The following PTPRF variants were observed in gnomAD, a reference collection of about 807,000 sequenced individuals.
The protein encoded by PTPRF is protein tyrosine phosphatase receptor type F.
A neutral mutation model predicts 201.8 loss-of-function variants in PTPRF; 59 were observed. That is an observed-to-expected ratio of 0.29 (90% confidence interval 0.24 to 0.36). PTPRF has a LOEUF of 0.36. Among genes scored for constraint, PTPRF ranks in the 10% least tolerant of loss-of-function variants. PTPRF has a pLI of 1.00. For missense variants in PTPRF, 2,132 were observed against 2,690.5 expected (o/e 0.79, Z 4.59); for synonymous variants, 1,088 against 1,089.7 (o/e 1.00, Z 0.03).
At chr1:43,529,157 A>G (rs1643247102), upstream of PTPRF, among the ~76,000 whole-genome samples, 1 of 152,206 alleles carries the variant, frequency 6.6e-6, no homozygotes, top group Non-Finnish European at 1.5e-5. Flanking sequence ...GATGCATAAA[A>G]TTTGCAATAC....
At chr1:43,540,716 G>A (rs562560835) in intron 2 of PTPRF, among the ~76,000 whole-genome samples, 30 of 152,312 alleles carry the variant, frequency 2.0e-4, no homozygotes, top group South Asian at 6.2e-4. Context: ...TGGGAGCCCC[G>A]ATACCAGCCG....
chr1:43,575,797 A>G, intron 6 of PTPRF: 1 of 954,328 alleles, frequency 1.0e-6, no homozygotes, highest in South Asian at 1.4e-5. Flanking sequence ...TTCTCCATGT[A>G]TTTAAGGCCC....
chr1:43,594,913 G>C (rs1651860311), intron 11 of PTPRF, among the ~76,000 whole-genome samples: 1 of 152,208 alleles, frequency 6.6e-6, no homozygotes, highest in Non-Finnish European at 1.5e-5. Flanking sequence ...GAGGAAATCA[G>C]GGGAGGGGAG....
chr1:43,565,438 A>G (rs1249758629), intron 5 of PTPRF, among the ~76,000 whole-genome samples: 1 of 152,212 alleles, frequency 6.6e-6, no homozygotes, highest in Non-Finnish European at 1.5e-5. Flanking sequence ...CCTTGCACAC[A>G]TATCTGCGTG....
intron 3 of PTPRF, 62 bp downstream of exon 3, chr1:43,545,228 G>A: frequency 1.3e-6 from 2 of 1,492,412 alleles, no homozygotes; most frequent in East Asian, 2.5e-5. Context: ...TTCCCAGCAG[G>A]ACTCTGGGAT....
At position 43,605,280 on chromosome 1, in the gene PTPRF, G is replaced by C; in HGVS notation, c.3226G>C (p.Val1076Leu). The stretch of plus-strand genomic sequence containing the variant: ...GCAGCCCAACACAGAGTACTCGTTT[G>C]TGCTGATGAACCGTGGCAGCAGCGC... ...DLQPNTEYSF[V>L]LMNRGSSAGG... The change falls in exon 18 of 34, where the codon GTG becomes CTG. Residue 1076 changes from valine (V) to leucine (L), a missense_variant. Physicochemically the swap from Val to Leu is conservative, Grantham distance 32 (BLOSUM62 1). Coordinates refer to ENST00000359947, the MANE Select transcript of PTPRF (RefSeq NM_002840.5). 6.2e-7 allele frequency: 1 copy of C among 1,613,174 alleles called. No homozygotes were observed. The highest frequency in any genetic ancestry group is 2.2e-5 in the East Asian group (1 of 44,840).
At chr1:43,579,380 G>T in intron 7 of PTPRF, 1 of 372,014 alleles carries the variant, frequency 2.7e-6, no homozygotes, top group Non-Finnish European at 5.4e-6. Context: ...GGGCTTTGGG[G>T]TAGTAAGGCC....
At chr1:43,524,580 G>C (rs1643043156), upstream of PTPRF, among the ~76,000 whole-genome samples, 1 of 152,112 alleles carries the variant, frequency 6.6e-6, no homozygotes, top group African/African-American at 2.4e-5. Context: ...GATGGCTCCA[G>C]TTGAAGGTTG....
Position 43,621,089 on chromosome 1 carries a change from C to G in PTPRF, c.5520-8C>G, listed in dbSNP as rs1218020647. Reference sequence around the variant, plus strand: ...CAGGACTCCTGACCCAACTGTGTTTCTGAGCAGTGCTGGCGTGGGCCGCAC... The same window carrying G: ...CAGGACTCCTGACCCAACTGTGTTTGTGAGCAGTGCTGGCGTGGGCCGCAC... On this transcript the variant is annotated splice_polypyrimidine_tract_variant and splice_region_variant and intron_variant, in intron 32 of 33. Transcript: ENST00000359947. 6.2e-7 allele frequency: 1 copy of G among 1,613,574 alleles called. No individual in the cohort carries two copies. Among genetic ancestry groups the G allele is most frequent in the East Asian group, 2.2e-5 (1 of 44,872 alleles).
chr1:43,592,666 C>A, intron 11 of PTPRF, 65 bp downstream of exon 11: 1 of 1,458,178 alleles, frequency 6.9e-7, no homozygotes, highest in East Asian at 2.5e-5. Context: ...CACATGCACA[C>A]ACATCCTTCC....
rs747122861 is a variant in PTPRF, at chr1:43,603,330, C to T, written c.2341-86C>T. 132 of 1,263,570 alleles carry T rather than the reference C, an allele frequency of 1.0e-4. No homozygotes were observed. Among genetic ancestry groups the T allele is most frequent in the Non-Finnish European group, 1.5e-4 (129 of 866,366 alleles). 78.3% of individuals were successfully genotyped at this position (1,263,570 alleles called of 1,614,324 possible). ...TGGCCTTGTGTGCCCCGGGGCTCCCCTCAGGCTAGGGTCCTGAGGTCCCTG... is the reference window on the plus strand; with the variant it reads ...TGGCCTTGTGTGCCCCGGGGCTCCCTTCAGGCTAGGGTCCTGAGGTCCCTG... On this transcript the variant is annotated intron_variant, in intron 14 of 33. Transcript: ENST00000359947. The surrounding 1 kb of genome is among the most constrained non-coding windows in gnomAD (Gnocchi z 5.8).
intron 12 of PTPRF, chr1:43,598,302 T>G: frequency 2.0e-6 from 1 of 491,342 alleles, no homozygotes; most frequent in Non-Finnish European, 3.5e-6. Flanking sequence ...TGTCTAAGAT[T>G]TGAAAGGTCA....
intron 14 of PTPRF, among the ~76,000 whole-genome samples, chr1:43,602,812 C>G (rs939075169): frequency 6.6e-6 from 1 of 152,172 alleles, no homozygotes; most frequent in African/African-American, 2.4e-5. Context: ...GAAGCCAGTT[C>G]CCCAGGTGTG....
At chr1:43,579,276 C>A (rs535495078) in intron 7 of PTPRF, 1 of 498,284 alleles carries the variant, frequency 2.0e-6, no homozygotes, top group Non-Finnish European at 4.1e-6. Context: ...GCACACTTAT[C>A]TGTGTGTAAA....
At chr1:43,539,692 G>C (rs928927551) in intron 2 of PTPRF, among the ~76,000 whole-genome samples, 1 of 152,184 alleles carries the variant, frequency 6.6e-6, no homozygotes, top group African/African-American at 2.4e-5. Context: ...GGGACACTAT[G>C]TGTCCCTTTG....
At chr1:43,593,138 C>T (rs538609351) in intron 11 of PTPRF, among the ~76,000 whole-genome samples, 2 of 152,240 alleles carry the variant, frequency 1.3e-5, no homozygotes, top group Non-Finnish European at 2.9e-5. Flanking sequence ...AGCCTGCCCA[C>T]GTGTGCCTTG....
Position 43,598,715 on chromosome 1 carries a change from C to T in PTPRF, c.2120-5C>T, listed in dbSNP as rs766149639. The T allele has an allele frequency of 3.7e-6, 6 of 1,611,254 alleles. No homozygotes were observed. Among genetic ancestry groups the T allele is most frequent in the Admixed American group, 3.3e-5 (2 of 59,886 alleles). ...CCTGACTTCCTTCTCTACCTGACCC[C>T]CCAGTGCCCAGCGGGCCTCCGCGGA... On this transcript the variant is annotated splice_polypyrimidine_tract_variant and splice_region_variant and intron_variant, in intron 12 of 33. Coordinates refer to ENST00000359947, the MANE Select transcript of PTPRF (RefSeq NM_002840.5).
At chr1:43,570,767 G>T (rs944813294) in intron 6 of PTPRF, among the ~76,000 whole-genome samples, 3 of 152,264 alleles carry the variant, frequency 2.0e-5, no homozygotes, top group African/African-American at 7.2e-5. Flanking sequence ...CCCCAGCCAC[G>T]GCCGCCTGAG....
At position 43,621,866 on chromosome 1, in the gene PTPRF, TGA is replaced by T. The variant is rs1001918601; in HGVS notation, c.5656-67_5656-66del. 4.7e-6 allele frequency: 7 copies of T among 1,476,012 alleles called. No homozygotes were observed. The African/African-American group carries it at 8.3e-5, about 18-fold the overall frequency. 91.4% of individuals were successfully genotyped at this position (1,476,012 alleles called of 1,614,324 possible). A position where few individuals can be genotyped will look rare whatever the true frequency, so the allele number is the denominator to read the frequency against. Reference sequence around the variant, plus strand: ...AGAGGCTAACTCCATGGCTGCAGTGTGAGTGTCAGCTGTGTAGTGGGGGTGTC... The same window carrying T: ...AGAGGCTAACTCCATGGCTGCAGTGTGTGTCAGCTGTGTAGTGGGGGTGTC... On this transcript the variant is annotated intron_variant, in intron 33 of 33. Transcript: ENST00000359947.
Sources: allele counts gnomAD v4.1 joint callset (sites outside exome capture counted in the v4.1 genomes callset), GRCh38; gene constraint gnomAD v4.1.1; non-coding constraint Gnocchi (gnomAD v3.1); transcripts MANE v1.5; gene names NCBI Gene and HGNC (gene_info 2026-07-23, HGNC 2026-07-21).